The following KDM4C variants were observed in gnomAD, a reference collection of about 807,000 sequenced individuals.
KDM4C encodes lysine demethylase 4C.
In KDM4C, 81 loss-of-function variants were observed where a neutral mutation model predicts 129.3. The ratio of observed to expected loss-of-function variants is 0.63; its 90% CI spans 0.52 to 0.75. The LOEUF (loss-of-function observed/expected upper bound fraction) is 0.75. Among genes scored for constraint, KDM4C ranks in the 30% least tolerant of loss-of-function variants. The probability of loss-of-function intolerance (pLI) is 0.00; values close to 1 mark genes in which losing one functional copy is unlikely to be tolerated. For missense variants in KDM4C, 1,457 were observed against 1,304.0 expected, an observed-to-expected ratio of 1.12 and a Z score of -1.81; for synonymous variants, 573 against 456.1, an observed-to-expected ratio of 1.26 and a Z score of -3.26.
rs1423994635 is a variant in KDM4C at position 6,758,673 on chromosome 9, G to A, written c.-18+470G>A. Among the ~76,000 whole-genome samples, 1 of 152,248 alleles carries A rather than the reference G, an allele frequency of 6.6e-6. No individual in the cohort carries two copies. Among genetic ancestry groups the A allele is most frequent in the Non-Finnish European group, 1.5e-5 (1 of 68,038 alleles). ...CTCCTCTCCTGACCACCCGTTGCAG[G>A]CAGTCATCCCGTCATTCGGGGTCGT... On this transcript the variant is annotated intron_variant, in intron 1 of 21. Coordinates refer to ENST00000381309, the MANE Select transcript of KDM4C (RefSeq NM_015061.6). The surrounding 1 kb of genome is among the most constrained non-coding windows in gnomAD (Gnocchi z 4.6).
chr9:7,001,093 T>C (rs540151350), intron 12 of KDM4C, among the ~76,000 whole-genome samples: 138 of 152,330 alleles, frequency 9.1e-4, no homozygotes, highest in African/African-American at 3.3e-3. Context: ...ATTTTAATTT[T>C]CATAGAGTTG....
chr9:6,835,663 T>TTTTTG (rs1835751106), intron 4 of KDM4C: 2 of 742,518 alleles, frequency 2.7e-6, no homozygotes, highest in South Asian at 1.5e-5. Flanking sequence ...ATGGCTTTAT[T>TTTTTG]TTTTGTTTTG....
chr9:7,008,622 C>A (rs1822119903), intron 12 of KDM4C, among the ~76,000 whole-genome samples: 1 of 152,172 alleles, frequency 6.6e-6, no homozygotes, highest in Non-Finnish European at 1.5e-5. Flanking sequence ...CCAGGAACAT[C>A]CCTGTGGATG....
intron 19 of KDM4C, among the ~76,000 whole-genome samples, chr9:7,143,869 G>A (rs896000943): frequency 1.3e-5 from 2 of 152,134 alleles, no homozygotes; most frequent in African/African-American, 4.8e-5. Flanking sequence ...ACATATCCCT[G>A]TCTGCATAAG....
intron 17 of KDM4C, among the ~76,000 whole-genome samples, chr9:7,096,084 G>C (rs1295379628): frequency 1.3e-5 from 2 of 152,166 alleles, no homozygotes; most frequent in Admixed American, 6.5e-5. Flanking sequence ...AAAGCTCTCT[G>C]TATGTTATAA....
At chr9:7,112,821 A>G (rs1002707381) in intron 18 of KDM4C, among the ~76,000 whole-genome samples, 2 of 152,160 alleles carry the variant, frequency 1.3e-5, no homozygotes, top group Non-Finnish European at 2.9e-5. Flanking sequence ...TCTCACAGTG[A>G]TCTGAATGGT....
At chr9:6,932,447 T>C (rs1482752610) in intron 8 of KDM4C, among the ~76,000 whole-genome samples, 1 of 152,204 alleles carries the variant, frequency 6.6e-6, no homozygotes, top group African/African-American at 2.4e-5. Context: ...GAGAAAACTT[T>C]TGTTGAAAAA....
chr9:6,812,187 A>G (rs1564069912), intron 3 of KDM4C, among the ~76,000 whole-genome samples: 2 of 151,668 alleles, frequency 1.3e-5, no homozygotes, highest in East Asian at 3.9e-4. Context: ...CATTGAGCCG[A>G]GATCATGCCA....
intron 5 of KDM4C, among the ~76,000 whole-genome samples, chr9:6,878,356 A>G (rs533984277): frequency 2.6e-5 from 4 of 152,200 alleles, no homozygotes; most frequent in East Asian, 3.8e-4. Flanking sequence ...AGAAATTGAG[A>G]CACTGTCTTC....
chr9:6,899,962 CT>C (rs772668573), intron 8 of KDM4C, among the ~76,000 whole-genome samples: 1 of 152,154 alleles, frequency 6.6e-6, no homozygotes, highest in African/African-American at 2.4e-5. Context: ...GTAAATTTGC[CT>C]TTTGAATAAC....
intron 6 of KDM4C, among the ~76,000 whole-genome samples, chr9:6,881,693 T>A (rs1392112472): frequency 6.6e-6 from 1 of 152,216 alleles, no homozygotes; most frequent in African/African-American, 2.4e-5. Flanking sequence ...AGTAAGAGGT[T>A]AATGAACTTG....
In KDM4C at chr9:7,076,364, A is replaced by C. The variant is rs774596913; in HGVS notation, c.2424+27164A>C. On this transcript the variant is annotated intron_variant, in intron 17 of 21. Coordinates refer to ENST00000381309, the MANE Select transcript of KDM4C (RefSeq NM_015061.6). ...ATTAGTTTGTCTCATGCTAAAGCCC[A>C]TGCTATTTTCACTATAATTTATTAA... 1.8e-5 allele frequency: 19 copies of C among 1,080,394 alleles called. No individual in the cohort carries two copies. In the Admixed American group the frequency reaches 3.4e-4, roughly 19 times the overall value. 66.9% of individuals were successfully genotyped at this position (1,080,394 alleles called of 1,614,324 possible). A position where few individuals can be genotyped will look rare whatever the true frequency, so the allele number is the denominator to read the frequency against.
intron 15 of KDM4C, among the ~76,000 whole-genome samples, chr9:7,034,233 C>G (rs1320242783): frequency 6.6e-6 from 1 of 152,098 alleles, no homozygotes; most frequent in Non-Finnish European, 1.5e-5. Context: ...CCTCCTCTAG[C>G]TATTTGAAAT....
At position 6,951,501 on chromosome 9, in the gene KDM4C, C is replaced by G. The variant is rs190004205; in HGVS notation, c.922-29424C>G. Among the ~76,000 whole-genome samples, 305 of 152,150 alleles carry G rather than the reference C, an allele frequency of 2.0e-3. 2 individuals carry two copies. The highest frequency in any genetic ancestry group is 7.0e-3 in the African/African-American group (292 of 41,520). On this transcript the variant is annotated intron_variant, in intron 8 of 21. Coordinates refer to ENST00000381309, the MANE Select transcript of KDM4C (RefSeq NM_015061.6). ...CATTTTGTTTTTTGTTGGGAGTCGGCTTTCTATGAAAAAGAGGAATGTCTT... is the reference window on the plus strand; with the variant it reads ...CATTTTGTTTTTTGTTGGGAGTCGGGTTTCTATGAAAAAGAGGAATGTCTT...
intron 8 of KDM4C, among the ~76,000 whole-genome samples, chr9:6,928,785 C>T (rs1033677820): frequency 2.6e-5 from 4 of 152,188 alleles, no homozygotes; most frequent in Admixed American, 6.5e-5. Context: ...TGATGGCTAC[C>T]CCTTGGCTCT....
chr9:6,814,917 C>G (rs960741729), intron 4 of KDM4C, 172 bp downstream of exon 4: 3 of 428,836 alleles, frequency 7.0e-6, no homozygotes, highest in Admixed American at 8.6e-5. Context: ...ATTTTTCAAA[C>G]TGAAGCTAGA....
At chr9:6,775,587 A>G (rs538359232) in intron 1 of KDM4C, among the ~76,000 whole-genome samples, 16 of 151,802 alleles carry the variant, frequency 1.1e-4, no homozygotes, top group Admixed American at 2.6e-4. Context: ...CAGTGGCACA[A>G]TCTCGGCTCA....
rs190817783 is a variant in KDM4C at position 6,927,797 on chromosome 9, A to G, written c.921+34565A>G. ...TCTTAGACTTTTAGCATTGTGTCTCACCAATTTCCTTGCCCCTTCCCACTT... is the reference window on the plus strand; with the variant it reads ...TCTTAGACTTTTAGCATTGTGTCTCGCCAATTTCCTTGCCCCTTCCCACTT... On this transcript the variant is annotated intron_variant, in intron 8 of 21. Transcript: ENST00000381309. Among the ~76,000 whole-genome samples the G allele has an allele frequency of 6.0e-4, 92 of 152,314 alleles. 1 individual carries two copies. Among genetic ancestry groups the G allele is most frequent in the African/African-American group, 2.2e-3 (90 of 41,576 alleles).
rs539952734 is a variant in KDM4C at position 6,925,481 on chromosome 9, G to C, written c.921+32249G>C. ...CCTCTCCTCCCCTCTTTTCAAATAA[G>C]GACATATTCTCACCATCTTGCTCAT... On this transcript the variant is annotated intron_variant, in intron 8 of 21. Coordinates refer to ENST00000381309, the MANE Select transcript of KDM4C (RefSeq NM_015061.6). The C allele has an allele frequency of 2.3e-5, 16 of 695,556 alleles. No homozygotes were observed. In the South Asian group the frequency reaches 5.5e-4, roughly 24 times the overall value. 43.1% of individuals were successfully genotyped at this position (695,556 alleles called of 1,614,324 possible).
Sources: allele counts gnomAD v4.1 joint callset (sites outside exome capture counted in the v4.1 genomes callset), GRCh38; gene constraint gnomAD v4.1.1; non-coding constraint Gnocchi (gnomAD v3.1); transcripts MANE v1.5; gene names NCBI Gene and HGNC (gene_info 2026-07-23, HGNC 2026-07-21).